ITFG2: variants seen among roughly 807,000 people sequenced by gnomAD.
ITFG2 encodes integrin alpha FG-GAP repeat containing 2.
ITFG2 carries 36 observed loss-of-function variants against 54.4 expected under a neutral mutation model. The ratio of observed to expected loss-of-function variants is 0.66; its 90% CI spans 0.51 to 0.87. The LOEUF is 0.87. Ranked by LOEUF, ITFG2 falls within the 40% of genes least tolerant of loss-of-function variation. ITFG2 has a pLI of 0.00. For missense variants in ITFG2, 524 were observed against 576.7 expected (o/e 0.91, Z 0.94); for synonymous variants, 211 against 225.4 (o/e 0.94, Z 0.57).
chr12:2,852,521 C>T (rs1010244168), intron 2 of ITFG2, among the ~76,000 whole-genome samples: 2 of 152,162 alleles, frequency 1.3e-5, no homozygotes, highest in African/African-American at 4.8e-5. Flanking sequence ...CATGTGCCAC[C>T]ATGCCTGGCT....
intron 2 of ITFG2, among the ~76,000 whole-genome samples, chr12:2,856,182 G>A (rs1603495308): frequency 1.3e-5 from 2 of 152,182 alleles, no homozygotes; most frequent in African/African-American, 4.8e-5. Context: ...GCAACACACA[G>A]TAAGGGTAGG....
chr12:2,848,877 GCACACACACACACACA>G lies in ITFG2; in HGVS notation n.300+7902_300+7917del, dbSNP rs3056877. Among the ~76,000 whole-genome samples the G allele has an allele frequency of 3.6e-5, 5 of 140,272 alleles. No individual in the cohort carries two copies. In the East Asian group the frequency reaches 6.3e-4, roughly 18 times the overall value. The allele number at this position is 140,272 out of a possible 152,430, so 92.0% of individuals were successfully genotyped here. On this transcript the variant is annotated intron_variant and non_coding_transcript_variant, in intron 2 of 3. Transcript: ENST00000537710. Reference sequence around the variant, plus strand: ...CCCCCACCCCAACAGACACACACACGCACACACACACACACACACACACACACACACACACTCCTTC... The same window carrying G: ...CCCCCACCCCAACAGACACACACACGCACACACACACACACACACTCCTTC...
intron 1 of ITFG2, chr12:2,837,025 A>T (rs149789945): frequency 9.9e-5 from 15 of 152,238 alleles, no homozygotes; most frequent in Non-Finnish European, 1.8e-4. Flanking sequence ...TGGCATCCCC[A>T]GGAAACTAGT....
chr12:2,858,535 G>C (rs71583732), intron 3 of ITFG2: 348 of 1,009,202 alleles, frequency 3.4e-4, no homozygotes, highest in Non-Finnish European at 4.5e-4. Context: ...ATGAGGAGCA[G>C]AACAGTCCCT....
At chr12:2,843,120 C>G (rs994064983) in intron 2 of ITFG2, among the ~76,000 whole-genome samples, 1 of 152,158 alleles carries the variant, frequency 6.6e-6, no homozygotes, top group African/African-American at 2.4e-5. Context: ...AGGAAATTCC[C>G]GGAATATTCT....
In ITFG2 at chr12:2,853,607, GT is replaced by G. The variant is rs569055360; in HGVS notation, n.301-4400del. 5.3e-3 allele frequency among the ~76,000 whole-genome samples: 770 copies of G among 145,518 alleles called. 9 individuals are homozygous for G. The highest frequency in any genetic ancestry group is 0.019 in the African/African-American group (735 of 38,882). ...TGTTGTTGTTGTTGTTTTTGTTTTT[GT>G]TTTTGTTTTTTTTTCAGATTAAAAA... is the stretch of plus-strand genomic sequence containing the variant. On this transcript the variant is annotated intron_variant and non_coding_transcript_variant, in intron 2 of 3. Transcript: ENST00000537710.
chr12:2,832,853 C>T (rs1250833228), upstream of ITFG2, among the ~76,000 whole-genome samples: 2 of 151,006 alleles, frequency 1.3e-5, no homozygotes, highest in African/African-American at 4.9e-5. Flanking sequence ...GTTTTTCTAC[C>T]CTTAGATTAA....
At chr12:2,819,911 A>T in intron 4 of ITFG2, 175 bp from the exon 5 acceptor site, 1 of 680,478 alleles carries the variant, frequency 1.5e-6, no homozygotes, top group Non-Finnish European at 2.3e-6. Flanking sequence ...CAGATGGACC[A>T]AATGGACGGG....
intron 10 of ITFG2, 78 bp from the exon 11 acceptor site, chr12:2,823,687 TCGGAG>T (rs898760683): frequency 2.6e-5 from 38 of 1,457,522 alleles, no homozygotes; most frequent in Admixed American, 2.1e-4. Context: ...AAGTGCTGAC[TCGGAG>T]GTCTGTGTCT....
At chr12:2,856,265 T>C (rs2098086882) in intron 2 of ITFG2, among the ~76,000 whole-genome samples, 1 of 152,194 alleles carries the variant, frequency 6.6e-6, no homozygotes, top group South Asian at 2.1e-4. Context: ...TTGCTTGGCA[T>C]ACCATGCTGG....
At position 2,817,902 on chromosome 12, in the gene ITFG2, C is replaced by A. The variant is rs963042983; in HGVS notation, c.193-7C>A. The A allele has an allele frequency of 6.2e-7, 1 of 1,613,700 alleles. No individual in the cohort carries two copies. The highest frequency in any genetic ancestry group is 8.5e-7 in the Non-Finnish European group (1 of 1,179,830). ...CGTCTCCCTGAGCCTCCCTTTCTCT[C>A]TTACAGCTGACTTGCGTTGGGGTTG... On this transcript the variant is annotated splice_polypyrimidine_tract_variant and splice_region_variant and intron_variant, in intron 2 of 11. Transcript: ENST00000228799.
At chr12:2,840,577 G>A (rs2098038729) in intron 1 of ITFG2, among the ~76,000 whole-genome samples, 1 of 151,892 alleles carries the variant, frequency 6.6e-6, no homozygotes, top group South Asian at 2.1e-4. Context: ...ACGAGGTCAG[G>A]AGATTGAGAC....
At chr12:2,859,499 G>C in intron 3 of ITFG2, 1 of 1,613,998 alleles carries the variant, frequency 6.2e-7, no homozygotes, top group Non-Finnish European at 8.5e-7. Context: ...TCTCCACTTT[G>C]ATGGGTCTCG....
intron 1 of ITFG2, among the ~76,000 whole-genome samples, chr12:2,840,545 G>T (rs1203812120): frequency 6.6e-6 from 1 of 151,950 alleles, no homozygotes. Flanking sequence ...CCAGCACTTT[G>T]GGAGGCCGAG....
rs913431457 is a variant in ITFG2 at position 2,824,538 on chromosome 12, C to T, written c.*345C>T. The T allele has an allele frequency of 1.8e-5, 6 of 327,816 alleles. No homozygotes were observed. Among genetic ancestry groups the T allele is most frequent in the Non-Finnish European group, 3.0e-5 (5 of 169,394 alleles). The allele number at this position is 327,816 out of a possible 1,614,324, so 20.3% of individuals were successfully genotyped here. A position where few individuals can be genotyped will look rare whatever the true frequency, so the allele number is the denominator to read the frequency against. On this transcript the variant is annotated 3_prime_UTR_variant, in exon 12 of 12. Transcript: ENST00000228799. Reference sequence around the variant, plus strand: ...GAGACTTGTTTGTGTGGCCCCAACACCCATAAGGAAACCAGGCTTTAGGCC... The same window carrying T: ...GAGACTTGTTTGTGTGGCCCCAACATCCATAAGGAAACCAGGCTTTAGGCC...
At chr12:2,854,831 G>A in intron 2 of ITFG2, 17 of 1,440,870 alleles carry the variant, frequency 1.2e-5, no homozygotes, top group Admixed American at 2.4e-5. Context: ...ACAGGAACCT[G>A]AGAGAGGGAG....
chr12:2,844,360 C>A (rs1458628179), intron 2 of ITFG2, among the ~76,000 whole-genome samples: 1 of 152,158 alleles, frequency 6.6e-6, no homozygotes, highest in Non-Finnish European at 1.5e-5. Flanking sequence ...TCGACACCAG[C>A]CTGTCCAATG....
chr12:2,821,930 C>CT, intron 9 of ITFG2, 138 bp downstream of exon 9: 1 of 602,082 alleles, frequency 1.7e-6, no homozygotes, highest in Non-Finnish European at 2.8e-6. Flanking sequence ...TTTTTTTTTT[C>CT]CTTTTTTTTT....
At chr12:2,858,563 A>G in intron 3 of ITFG2, 1 of 1,322,626 alleles carries the variant, frequency 7.6e-7, no homozygotes. Flanking sequence ...GTCCTCACTC[A>G]GAGGCTTGGG....
Sources: allele counts gnomAD v4.1 joint callset (sites outside exome capture counted in the v4.1 genomes callset), GRCh38; gene constraint gnomAD v4.1.1; transcripts MANE v1.5; gene names NCBI Gene and HGNC (gene_info 2026-07-23, HGNC 2026-07-21).